SUN3: variants seen among roughly 807,000 people sequenced by gnomAD.
The protein encoded by SUN3 is Sad1 and UNC84 domain containing 3.
Under a neutral mutation model 48.2 loss-of-function variants are expected in SUN3, and 36 were observed. The ratio of observed to expected loss-of-function variants is 0.75; its 90% CI spans 0.57 to 0.99. The LOEUF is 0.99. Among genes scored for constraint, SUN3 ranks in the 50% least tolerant of loss-of-function variants. SUN3 has a pLI of 0.00. For synonymous variants in SUN3, 148 were observed against 147.9 expected, an observed-to-expected ratio of 1.00 and a Z score of 0.00; for missense variants, 419 against 433.1, an observed-to-expected ratio of 0.97 and a Z score of 0.29.
the SUN3 span, chr7:48,035,578 AACTC>A: frequency 5.7e-6 from 4 of 697,120 alleles, no homozygotes; most frequent in Non-Finnish European, 1.0e-5. The surrounding 1 kb of genome is among the most constrained non-coding windows in gnomAD (Gnocchi z 4.0). Context: ...GCCGTGTAAA[AACTC>A]CAACGCCGGG....
chr7:47,987,582 G>A (rs1242930048), intron 9 of SUN3, 133 bp from the exon 10 acceptor site: 2 of 827,366 alleles, frequency 2.4e-6, no homozygotes, highest in Non-Finnish European at 3.4e-6. Context: ...CACACAGGCT[G>A]GAATGCAGTG....
At chr7:48,014,331 A>T (rs1362151904) in intron 3 of SUN3, among the ~76,000 whole-genome samples, 1 of 152,222 alleles carries the variant, frequency 6.6e-6, no homozygotes, top group Non-Finnish European at 1.5e-5. Flanking sequence ...TAAAAATGTG[A>T]TTAGTCTCAG....
intron 3 of SUN3, among the ~76,000 whole-genome samples, chr7:48,013,808 A>G (rs998819018): frequency 3.3e-5 from 5 of 152,092 alleles, no homozygotes; most frequent in Non-Finnish European, 7.3e-5. Context: ...TGGGATTTAT[A>G]AAGAACTCAC....
intron 2 of SUN3, among the ~76,000 whole-genome samples, chr7:48,022,291 AG>A (rs1160148580): frequency 6.6e-6 from 1 of 152,090 alleles, no homozygotes; most frequent in Non-Finnish European, 1.5e-5. Context: ...TCGAAGATGG[AG>A]GAGGTGAGGA....
At chr7:48,029,671 T>C (rs1339061074), upstream of SUN3, among the ~76,000 whole-genome samples, 1 of 152,216 alleles carries the variant, frequency 6.6e-6, no homozygotes, top group African/African-American at 2.4e-5. Context: ...CAAGGAATAA[T>C]GCTCATTGCA....
the SUN3 span, chr7:48,035,756 G>A: frequency 3.4e-6 from 2 of 583,624 alleles, no homozygotes; most frequent in Admixed American, 3.1e-5. This position sits in a 1 kb window ranked among gnomAD's most constrained non-coding sequence, Gnocchi z 4.0. Context: ...CCTTGTCGCC[G>A]GGTTGGGATG....
intron 2 of SUN3, among the ~76,000 whole-genome samples, chr7:48,018,059 A>G (rs2140113): frequency 0.33 from 50,904 of 152,108 alleles, 9,552 homozygotes; most frequent in Middle Eastern, 0.53. Context: ...GTGCATTTCT[A>G]GGACTGGACG....
intron 2 of SUN3, among the ~76,000 whole-genome samples, chr7:48,024,802 A>G (rs1790091566): frequency 1.3e-5 from 2 of 152,160 alleles, no homozygotes; most frequent in Admixed American, 1.3e-4. Flanking sequence ...TAGCTCCCAC[A>G]GGAACTAATA....
chr7:48,019,301 A>G (rs1583777457), intron 2 of SUN3, among the ~76,000 whole-genome samples: 1 of 152,318 alleles, frequency 6.6e-6, no homozygotes, highest in East Asian at 1.9e-4. Flanking sequence ...CAAAAGCAGT[A>G]CTAAGAGGGA....
At chr7:48,002,008 A>G (rs982098865) in intron 6 of SUN3, among the ~76,000 whole-genome samples, 1 of 152,174 alleles carries the variant, frequency 6.6e-6, no homozygotes, top group African/African-American at 2.4e-5. Context: ...AGTGGTTGAA[A>G]TAATTTACAC....
At chr7:48,010,761 C>T (rs1789661226) in intron 3 of SUN3, among the ~76,000 whole-genome samples, 1 of 152,106 alleles carries the variant, frequency 6.6e-6, no homozygotes, top group South Asian at 2.1e-4. Context: ...CTATGAGTTT[C>T]CTGGGGCTCT....
In SUN3 at chr7:48,007,064, G is replaced by A. The variant is rs182406020; in HGVS notation, c.492+101C>T. On this transcript the variant is annotated intron_variant, in intron 5 of 9. Coordinates refer to ENST00000297325, the MANE Select transcript of SUN3 (RefSeq NM_001030019.2). ...ACTGGACTTCCCACTGGGAGAAGAA[G>A]CAGATGTGACATCGGAAGGACATAC... 156 of 1,184,166 alleles carry A rather than the reference G, an allele frequency of 1.3e-4. No homozygotes were observed. In the East Asian group the frequency reaches 3.6e-3, roughly 28 times the overall value. The allele number at this position is 1,184,166 out of a possible 1,614,324, so 73.4% of individuals were successfully genotyped here. A position where few individuals can be genotyped will look rare whatever the true frequency, so the allele number is the denominator to read the frequency against.
the SUN3 span, among the ~76,000 whole-genome samples, chr7:48,035,014 T>A: frequency 6.6e-6 from 1 of 152,224 alleles, no homozygotes; most frequent in Non-Finnish European, 1.5e-5. This position sits in a 1 kb window ranked among gnomAD's most constrained non-coding sequence, Gnocchi z 4.0. Context: ...AAATTAAGGA[T>A]TCCTTTACTA....
At chr7:48,012,202 G>A (rs1189640284) in intron 3 of SUN3, among the ~76,000 whole-genome samples, 3 of 152,158 alleles carry the variant, frequency 2.0e-5, no homozygotes, top group African/African-American at 4.8e-5. Context: ...CTCGTTAAGA[G>A]GACACAGCCT....
intron 6 of SUN3, among the ~76,000 whole-genome samples, chr7:48,005,125 A>T (rs1405056148): frequency 1.3e-5 from 2 of 152,226 alleles, no homozygotes; most frequent in Non-Finnish European, 2.9e-5. Flanking sequence ...AAATGCATCA[A>T]TACAAAAAAG....
chr7:48,028,479 C>CAAAAAAAA (rs55997019), intron 1 of SUN3, among the ~76,000 whole-genome samples: 6 of 45,258 alleles, frequency 1.3e-4, no homozygotes, highest in African/African-American at 4.5e-4. Context: ...AGCCCAATGA[C>CAAAAAAAA]AAAAAAAAAA....
Position 47,994,590 on chromosome 7 carries a change from A to C in SUN3, c.694-108T>G, listed in dbSNP as rs1704625513. 4.2e-6 allele frequency: 5 copies of C among 1,181,808 alleles called. No individual in the cohort carries two copies. In the African/African-American group the frequency reaches 7.9e-5, roughly 19 times the overall value. The allele number at this position is 1,181,808 out of a possible 1,614,324, so 73.2% of individuals were successfully genotyped here. On this transcript the variant is annotated intron_variant, in intron 7 of 9. Transcript: ENST00000297325. ...TGCAGATCTCTCTTATGCCTATCAA[A>C]TAGGAAAACTCCCAAGGCACCTCTA...
At chr7:48,016,736 T>C (rs945446341) in intron 3 of SUN3, among the ~76,000 whole-genome samples, 2 of 152,222 alleles carry the variant, frequency 1.3e-5, no homozygotes, top group Admixed American at 6.5e-5. Context: ...CTCATAGCTA[T>C]AAAACTATTG....
At chr7:48,023,225 T>C (rs1790049240) in intron 2 of SUN3, among the ~76,000 whole-genome samples, 1 of 152,086 alleles carries the variant, frequency 6.6e-6, no homozygotes, top group South Asian at 2.1e-4. Flanking sequence ...TGTGTAAAGA[T>C]GTAATTTTTG....
Sources: allele counts gnomAD v4.1 joint callset (sites outside exome capture counted in the v4.1 genomes callset), GRCh38; gene constraint gnomAD v4.1.1; non-coding constraint Gnocchi (gnomAD v3.1); transcripts MANE v1.5; gene names NCBI Gene and HGNC (gene_info 2026-07-23, HGNC 2026-07-21).